The following PDE7A variants were observed in gnomAD, a reference collection of about 807,000 sequenced individuals.
PDE7A encodes phosphodiesterase 7A.
A neutral mutation model predicts 64.3 loss-of-function variants in PDE7A; 39 were observed. The observed-to-expected ratio is 0.61, with a 90% CI of 0.47 to 0.79. The LOEUF (loss-of-function observed/expected upper bound fraction) is 0.79. Among genes scored for constraint, PDE7A ranks in the 30% least tolerant of loss-of-function variants. PDE7A has a pLI of 0.00. For missense variants in PDE7A, 470 were observed against 582.8 expected, an observed-to-expected ratio of 0.81 and a Z score of 1.99; for synonymous variants, 203 against 206.8, an observed-to-expected ratio of 0.98 and a Z score of 0.16.
intron 1 of PDE7A, among the ~76,000 whole-genome samples, chr8:65,811,065 C>T (rs1430025644): frequency 1.3e-5 from 2 of 151,972 alleles, no homozygotes; most frequent in African/African-American, 4.8e-5. Flanking sequence ...AAATTTAAAT[C>T]TCTATTGAAG....
chr8:65,728,827 T>C (rs1806715685), intron 7 of PDE7A, among the ~76,000 whole-genome samples: 1 of 152,206 alleles, frequency 6.6e-6, no homozygotes, highest in African/African-American at 2.4e-5. Flanking sequence ...AAAATTAATG[T>C]ATGACTGCAC....
At chr8:65,805,922 G>A (rs540453255) in intron 1 of PDE7A, among the ~76,000 whole-genome samples, 1 of 152,246 alleles carries the variant, frequency 6.6e-6, no homozygotes, top group Admixed American at 6.5e-5. Flanking sequence ...TTACATCACT[G>A]TTTGAGCAAA....
At chr8:65,799,137 G>A (rs1809929029) in intron 1 of PDE7A, among the ~76,000 whole-genome samples, 1 of 152,178 alleles carries the variant, frequency 6.6e-6, no homozygotes, top group East Asian at 1.9e-4. Context: ...TTTTTGGAGT[G>A]ACTAAAGAGT....
intron 1 of PDE7A, among the ~76,000 whole-genome samples, chr8:65,836,259 C>A (rs759763971): frequency 1.5e-4 from 23 of 152,180 alleles, no homozygotes; most frequent in Middle Eastern, 3.2e-3. Flanking sequence ...GTTGGGTACA[C>A]AAGAGCCCTT....
At chr8:65,784,701 G>A (rs892785725) in intron 1 of PDE7A, among the ~76,000 whole-genome samples, 7 of 151,486 alleles carry the variant, frequency 4.6e-5, no homozygotes, top group African/African-American at 1.7e-4. Flanking sequence ...ATGACAAAGG[G>A]CTAATTTTCC....
chr8:65,785,362 T>C (rs538492943), intron 1 of PDE7A, among the ~76,000 whole-genome samples: 2 of 152,190 alleles, frequency 1.3e-5, no homozygotes, highest in African/African-American at 4.8e-5. Flanking sequence ...AAAAGTAAAA[T>C]AAAAATCTAC....
chr8:65,829,184 T>G (rs1810752005), intron 1 of PDE7A, among the ~76,000 whole-genome samples: 1 of 152,138 alleles, frequency 6.6e-6, no homozygotes, highest in African/African-American at 2.4e-5. Context: ...TGTTATGATA[T>G]TAACTTTTGT....
chr8:65,750,383 C>T (rs781254434), intron 3 of PDE7A, among the ~76,000 whole-genome samples: 3 of 152,056 alleles, frequency 2.0e-5, no homozygotes, highest in African/African-American at 7.2e-5. Context: ...TTAAATTACA[C>T]ACAAAAGGTA....
At chr8:65,756,240 G>A (rs1000262914) in intron 3 of PDE7A, among the ~76,000 whole-genome samples, 1 of 152,090 alleles carries the variant, frequency 6.6e-6, no homozygotes, top group African/African-American at 2.4e-5. Flanking sequence ...GTCTCAGTGT[G>A]GATTTCTGAG....
chr8:65,833,333 G>A (rs1810876100), intron 1 of PDE7A, among the ~76,000 whole-genome samples: 1 of 152,036 alleles, frequency 6.6e-6, no homozygotes, highest in Admixed American at 6.6e-5. Flanking sequence ...CTAGAACATG[G>A]CATTTAGAAC....
chr8:65,794,634 G>A (rs930901431), intron 1 of PDE7A, among the ~76,000 whole-genome samples: 1 of 152,098 alleles, frequency 6.6e-6, no homozygotes. Context: ...AAAATTTTCT[G>A]AAGTATACTT....
intron 3 of PDE7A, among the ~76,000 whole-genome samples, chr8:65,753,489 T>C (rs770505244): frequency 6.6e-6 from 1 of 152,206 alleles, no homozygotes; most frequent in East Asian, 1.9e-4. Context: ...TAATTAGCTT[T>C]GTACTTCAGG....
chr8:65,811,249 A>G (rs1473193276), intron 1 of PDE7A, among the ~76,000 whole-genome samples: 5 of 152,216 alleles, frequency 3.3e-5, no homozygotes, highest in Non-Finnish European at 7.3e-5. Flanking sequence ...GGGACTGTTT[A>G]CTGAGGTCTG....
intron 1 of PDE7A, among the ~76,000 whole-genome samples, chr8:65,786,196 A>G (rs1360246669): frequency 6.6e-6 from 1 of 152,214 alleles, no homozygotes; most frequent in Non-Finnish European, 1.5e-5. Flanking sequence ...TCTATTCATT[A>G]TAAGGTACTA....
intron 3 of PDE7A, among the ~76,000 whole-genome samples, chr8:65,767,020 AACAAC>A (rs1168800650): frequency 6.6e-6 from 1 of 152,124 alleles, no homozygotes. Flanking sequence ...CAACAACAAC[AACAAC>A]AACAACAACA....
At chr8:65,759,549 C>A (rs1448448984) in intron 3 of PDE7A, among the ~76,000 whole-genome samples, 1 of 152,214 alleles carries the variant, frequency 6.6e-6, no homozygotes. Context: ...CTCCCTTCAA[C>A]AAGTACTCTC....
intron 3 of PDE7A, among the ~76,000 whole-genome samples, chr8:65,776,909 G>A (rs900885661): frequency 6.6e-6 from 1 of 152,120 alleles, no homozygotes; most frequent in Non-Finnish European, 1.5e-5. Context: ...GAAAGATGAT[G>A]AAAGATATTC....
At chr8:65,839,094 TA>T (rs1299174814) in intron 1 of PDE7A, among the ~76,000 whole-genome samples, 1 of 152,048 alleles carries the variant, frequency 6.6e-6, no homozygotes, top group Non-Finnish European at 1.5e-5. Context: ...AACAAATATT[TA>T]TTAAGTACCT....
intron 2 of PDE7A, 31 bp downstream of exon 2, chr8:65,782,752 C>T: frequency 8.1e-7 from 1 of 1,236,952 alleles, no homozygotes; most frequent in Non-Finnish European, 1.2e-6. Context: ...ACAAAATTAA[C>T]TGATATTGGT....
Sources: gnomAD v4.1 joint callset for allele counts (sites outside exome capture counted in the v4.1 genomes callset) on GRCh38, gnomAD v4.1.1 for gene constraint, MANE v1.5 for transcripts, NCBI Gene and HGNC (gene_info 2026-07-23, HGNC 2026-07-21) for gene names.